The following NECAB2 variants were observed in gnomAD, a reference collection of about 807,000 sequenced individuals.
The protein encoded by NECAB2 is N-terminal EF-hand calcium-binding protein 2.
In NECAB2, 68 loss-of-function variants were observed where a neutral mutation model predicts 51.9. That is an observed-to-expected ratio of 1.31 (90% confidence interval 1.08 to 1.60). NECAB2 has a LOEUF of 1.60. NECAB2 is among the 40% of genes most tolerant of loss of function. NECAB2 has a pLI of 0.00. For synonymous variants in NECAB2, 329 were observed against 203.5 expected, an observed-to-expected ratio of 1.62 and a Z score of -5.25; for missense variants, 854 against 490.3, an observed-to-expected ratio of 1.74 and a Z score of -7.00.
At chr16:83,999,256 A>G (rs1282069706) in intron 10 of NECAB2, among the ~76,000 whole-genome samples, 1 of 149,596 alleles carries the variant, frequency 6.7e-6, no homozygotes, top group Non-Finnish European at 1.5e-5. Flanking sequence ...ATTCTTGAGT[A>G]AGTAGCCAGG....
intron 8 of NECAB2, among the ~76,000 whole-genome samples, chr16:83,996,423 C>T (rs1804436061): frequency 6.6e-6 from 1 of 152,204 alleles, no homozygotes; most frequent in African/African-American, 2.4e-5. Flanking sequence ...GTGGTGACTA[C>T]ACAGACTCAT....
upstream of NECAB2, among the ~76,000 whole-genome samples, chr16:83,967,681 T>TGGGC (rs1567660204): frequency 1.3e-5 from 1 of 79,488 alleles, no homozygotes; most frequent in Non-Finnish European, 2.4e-5. Flanking sequence ...GACAGACAGA[T>TGGGC]GGGCGGGCGG....
At chr16:84,001,736 A>C (rs1403340558) in intron 11 of NECAB2, 89 bp from the exon 12 acceptor site, 3 of 1,417,980 alleles carry the variant, frequency 2.1e-6, no homozygotes, top group African/African-American at 1.5e-5. Flanking sequence ...TAAGCTCCCC[A>C]TTTTGGGCTA....
chr16:84,000,592 G>C (rs539134406), intron 10 of NECAB2, 132 bp from the exon 11 acceptor site: 47 of 667,630 alleles, frequency 7.0e-5, no homozygotes, highest in African/African-American at 6.6e-4. Flanking sequence ...TCTCGATGGA[G>C]GTCAAGACAG....
chr16:83,990,143 G>A lies in NECAB2; in HGVS notation c.460-351G>A, dbSNP rs1035674240. ...TATATTGTAGCACCTACTGTTGATTGAGTCTTTGCTGTGTGGCAGGCCCTG... is the reference window on the plus strand; with the variant it reads ...TATATTGTAGCACCTACTGTTGATTAAGTCTTTGCTGTGTGGCAGGCCCTG... On this transcript the variant is annotated intron_variant, in intron 5 of 12. Coordinates refer to ENST00000305202, the MANE Select transcript of NECAB2 (RefSeq NM_019065.3). Among the ~76,000 whole-genome samples the A allele has an allele frequency of 2.0e-4, 31 of 152,184 alleles. 1 individual carries two copies. Among genetic ancestry groups the A allele is most frequent in the Non-Finnish European group, 4.4e-5 (3 of 68,034 alleles).
intron 11 of NECAB2, 32 bp from the exon 12 acceptor site, chr16:84,001,793 A>T: frequency 6.2e-7 from 1 of 1,611,538 alleles, no homozygotes; most frequent in Non-Finnish European, 8.5e-7. Flanking sequence ...CACTCCTGCC[A>T]CCCCTGACTC....
chr16:83,997,007 C>G (rs916447489), intron 8 of NECAB2, among the ~76,000 whole-genome samples: 23 of 150,518 alleles, frequency 1.5e-4, no homozygotes, highest in Non-Finnish European at 3.4e-4. Context: ...TGCTGCCTCT[C>G]CCAAGCCATC....
intron 5 of NECAB2, among the ~76,000 whole-genome samples, chr16:83,983,801 T>C (rs2084517839): frequency 6.6e-6 from 1 of 152,192 alleles, no homozygotes. Context: ...GAAGTGGTTT[T>C]GAATGTGTTC....
At position 83,968,858 on chromosome 16, in the gene NECAB2, G is replaced by A. The variant is rs1405052556; in HGVS notation, c.201+9G>A. ...CCGCCGTCATCCTGGACGTGAGTAC[G>A]CGCCGGCCGGGACCCCCGCCGTGGC... is the stretch of plus-strand genomic sequence containing the variant. On this transcript the variant is annotated intron_variant, in intron 1 of 12. Transcript: ENST00000305202. 1 of 1,118,132 alleles carries A rather than the reference G, an allele frequency of 8.9e-7. No individual in the cohort carries two copies. The highest frequency in any genetic ancestry group is 4.9e-5 in the East Asian group (1 of 20,588). 69.3% of individuals were successfully genotyped at this position (1,118,132 alleles called of 1,614,324 possible).
At chr16:83,965,857 C>G (rs755464973), upstream of NECAB2, 1 of 1,612,840 alleles carries the variant, frequency 6.2e-7, no homozygotes, top group African/African-American at 1.3e-5. Context: ...ACCCCATTGA[C>G]GTGGACCCCT....
rs775456056 is a variant in NECAB2 at position 83,980,930 on chromosome 16, G to A, written c.361+66G>A. 4.2e-5 allele frequency: 68 copies of A among 1,610,426 alleles called. 1 individual carries two copies. The highest frequency in any genetic ancestry group is 3.7e-4 in the South Asian group (34 of 90,990). ...GGATGGGGCTGGATGAGAAGGGCCT[G>A]AGGCAGGGGAGGCTGGAGGTAGCGC... On this transcript the variant is annotated intron_variant, in intron 4 of 12. Transcript: ENST00000305202.
rs200567775 is a variant in NECAB2, at chr16:84,000,824, C to T, written c.1040+23C>T. 441 of 1,609,072 alleles carry T rather than the reference C, an allele frequency of 2.7e-4. 1 individual carries two copies. In the African/African-American group the frequency reaches 5.1e-3, roughly 19 times the overall value. ...GAGGTGAGATGCTGGGTCCCCACAG[C>T]AGGTGAGGGAGACAGAGGGAAGTGG... On this transcript the variant is annotated intron_variant, in intron 11 of 12. Transcript: ENST00000305202.
Position 84,001,922 on chromosome 16 carries a change from G to A in NECAB2, c.1132+6G>A, listed in dbSNP as rs374698819. 1.4e-5 allele frequency: 22 copies of A among 1,613,710 alleles called. No individual in the cohort carries two copies. Among genetic ancestry groups the A allele is most frequent in the Non-Finnish European group, 1.9e-5 (22 of 1,179,740 alleles). ...CTCCAGGATCTTGGTGCCAGGTAGGGGGCAAAGGCCTGGAACTGCAGTGGC... is the reference window on the plus strand; with the variant it reads ...CTCCAGGATCTTGGTGCCAGGTAGGAGGCAAAGGCCTGGAACTGCAGTGGC... On this transcript the variant is annotated splice_donor_region_variant and intron_variant, in intron 12 of 12. Coordinates refer to ENST00000305202, the MANE Select transcript of NECAB2 (RefSeq NM_019065.3).
chr16:83,992,377 T>TCCCCACCCCCCCCC (rs1555548085), intron 6 of NECAB2, among the ~76,000 whole-genome samples: 1 of 133,046 alleles, frequency 7.5e-6, no homozygotes, highest in African/African-American at 3.2e-5. Context: ...CGAGCACCCG[T>TCCCCACCCCCCCCC]CCCCCCGCCC....
At chr16:83,997,620 T>A (rs1254820494) in intron 9 of NECAB2, among the ~76,000 whole-genome samples, 1 of 151,154 alleles carries the variant, frequency 6.6e-6, no homozygotes, top group Non-Finnish European at 1.5e-5. Context: ...CCTGAGTAGC[T>A]GGGATTACAG....
At chr16:84,000,469 T>G (rs568044029) in intron 10 of NECAB2, among the ~76,000 whole-genome samples, 2 of 152,280 alleles carry the variant, frequency 1.3e-5, no homozygotes, top group African/African-American at 4.8e-5. Flanking sequence ...GGCAACAGAG[T>G]GAGACCCTAT....
chr16:83,965,833 G>C, upstream of NECAB2: 1 of 1,613,034 alleles, frequency 6.2e-7, no homozygotes, highest in Non-Finnish European at 8.5e-7. Context: ...ACCAGCCGCT[G>C]AGCGCCAAGA....
Position 83,968,540 on chromosome 16 carries a change from G to A in NECAB2, c.-109G>A. 1 of 884,820 alleles carries A rather than the reference G, an allele frequency of 1.1e-6. No homozygotes were observed. 54.8% of individuals were successfully genotyped at this position (884,820 alleles called of 1,614,324 possible). A position where few individuals can be genotyped will look rare whatever the true frequency, so the allele number is the denominator to read the frequency against. ...GTGTCCGCGGCCGCGGGGGCAGCGG[G>A]AGAGAGGGCGGGGCGGCGCGGGCAG... On this transcript the variant is annotated 5_prime_UTR_variant, in exon 1 of 13. Coordinates refer to ENST00000305202, the MANE Select transcript of NECAB2 (RefSeq NM_019065.3).
At chr16:83,983,447 T>A (rs756229246) in intron 5 of NECAB2, among the ~76,000 whole-genome samples, 31 of 152,350 alleles carry the variant, frequency 2.0e-4, no homozygotes, top group Admixed American at 7.2e-4. Context: ...CTCTGCTGAT[T>A]ATCATATTAA....
Sources: allele counts gnomAD v4.1 joint callset (sites outside exome capture counted in the v4.1 genomes callset), GRCh38; gene constraint gnomAD v4.1.1; transcripts MANE v1.5; gene names NCBI Gene and HGNC (gene_info 2026-07-23, HGNC 2026-07-21).